Variants in CIB4 observed in about 807,000 individuals in gnomAD.
The protein encoded by CIB4 is calcium and integrin-binding family member 4.
Under a neutral mutation model 25.8 loss-of-function variants are expected in CIB4, and 25 were observed. That is an observed-to-expected ratio of 0.97 (90% CI 0.71 to 1.35). The LOEUF (loss-of-function observed/expected upper bound fraction) is 1.35. Ranked by LOEUF, CIB4 falls within the 40% of genes most tolerant of loss-of-function variation. The pLI is 0.00. For missense variants in CIB4, 235 were observed against 228.2 expected (o/e 1.03, Z -0.19); for synonymous variants, 75 against 81.4 (o/e 0.92, Z 0.42).
chr2:26,619,729 G>A (rs1467754493), intron 3 of CIB4, among the ~76,000 whole-genome samples: 1 of 152,010 alleles, frequency 6.6e-6, no homozygotes, highest in East Asian at 1.9e-4. Flanking sequence ...AGCGGGGAAG[G>A]TGACACCACC....
At chr2:26,589,128 C>G (rs892428952) in intron 4 of CIB4, among the ~76,000 whole-genome samples, 2 of 135,974 alleles carry the variant, frequency 1.5e-5, no homozygotes, top group Admixed American at 1.5e-4. Flanking sequence ...TCTTCTTCTT[C>G]TTCTTCTTCT....
At chr2:26,626,633 A>C (rs558322084) in intron 3 of CIB4, among the ~76,000 whole-genome samples, 2 of 152,344 alleles carry the variant, frequency 1.3e-5, no homozygotes, top group Admixed American at 1.3e-4. Flanking sequence ...AAATCAGAAA[A>C]GTAAAATTAA....
intron 4 of CIB4, among the ~76,000 whole-genome samples, chr2:26,588,036 A>C (rs72817133): frequency 0.11 from 16,877 of 152,226 alleles, 1,031 homozygotes; most frequent in Middle Eastern, 0.17. Context: ...TGTCAGTGTC[A>C]GGACTGGAGC....
intron 2 of CIB4, among the ~76,000 whole-genome samples, chr2:26,631,629 A>T (rs1050726095): frequency 6.6e-6 from 1 of 152,144 alleles, no homozygotes; most frequent in Non-Finnish European, 1.5e-5. Flanking sequence ...CATCTCACTG[A>T]CTAGAAAAAC....
At chr2:26,598,832 C>T (rs916025682) in intron 3 of CIB4, among the ~76,000 whole-genome samples, 3 of 152,256 alleles carry the variant, frequency 2.0e-5, no homozygotes, top group Non-Finnish European at 4.4e-5. Context: ...TTTCTAGGGG[C>T]CCTGGTGGGG....
In CIB4 at chr2:26,583,852, G is replaced by A; in HGVS notation, c.375C>T (p.Ile125=). ...CATCACTGTTCAGCAGTCGCAGGAT[G>A]ATCCTCTGCAGATCCTCCTCATCAA... ...GFIDEEDLQR[I]ILRLLNSDDM... Residue 125 remains isoleucine (I), a synonymous_variant, in exon 5 of 7, where the codon ATC becomes ATT. Transcript: ENST00000288861. The A allele has an allele frequency of 1.9e-6, 3 of 1,613,466 alleles. No individual in the cohort carries two copies. The highest frequency in any genetic ancestry group is 2.5e-6 in the Non-Finnish European group (3 of 1,179,686).
intron 3 of CIB4, among the ~76,000 whole-genome samples, chr2:26,599,245 G>T (rs981499741): frequency 4.6e-5 from 7 of 152,160 alleles, no homozygotes; most frequent in Admixed American, 3.3e-4. Context: ...ATTTATACAG[G>T]TAACTCAGTG....
chr2:26,600,658 C>CCATG (rs1182057149), intron 3 of CIB4, among the ~76,000 whole-genome samples: 1 of 152,088 alleles, frequency 6.6e-6, no homozygotes, highest in Non-Finnish European at 1.5e-5. Context: ...TGAGCAGAGC[C>CCATG]CATGTCCTGG....
chr2:26,610,915 G>T (rs1483662589), intron 3 of CIB4, among the ~76,000 whole-genome samples: 1 of 151,958 alleles, frequency 6.6e-6, no homozygotes, highest in Non-Finnish European at 1.5e-5. Context: ...TCCTTCCCTG[G>T]AATGTTTTCC....
intron 4 of CIB4, among the ~76,000 whole-genome samples, chr2:26,589,030 T>TTCTTCTTCCTCTTCC (rs1668516160): frequency 5.3e-5 from 2 of 37,720 alleles, no homozygotes; most frequent in African/African-American, 2.2e-4. Context: ...CTTCTTCTTC[T>TTCTTCTTCCTCTTCC]TCTTCTTCTT....
intron 2 of CIB4, among the ~76,000 whole-genome samples, chr2:26,631,259 G>A (rs1314790954): frequency 6.6e-6 from 1 of 152,152 alleles, no homozygotes; most frequent in Non-Finnish European, 1.5e-5. Flanking sequence ...AGAATCGCTT[G>A]AGCCCAAGAG....
At position 26,638,820 on chromosome 2, in the gene CIB4, C is replaced by T. The variant is rs559147113; in HGVS notation, c.89+1713G>A. Among the ~76,000 whole-genome samples, 238 of 152,198 alleles carry T rather than the reference C, an allele frequency of 1.6e-3. 1 individual carries two copies. Among genetic ancestry groups the T allele is most frequent in the African/African-American group, 5.4e-3 (223 of 41,526 alleles). Reference sequence around the variant, plus strand: ...TACAAAAATTTGCCGGGCGTGGTGGCAGGCACCTGTAGTCCCAGCTACTCA... The same window carrying T: ...TACAAAAATTTGCCGGGCGTGGTGGTAGGCACCTGTAGTCCCAGCTACTCA... On this transcript the variant is annotated intron_variant, in intron 2 of 6. Coordinates refer to ENST00000288861, the MANE Select transcript of CIB4 (RefSeq NM_001029881.3).
chr2:26,591,268 C>T (rs1668581032), intron 4 of CIB4, among the ~76,000 whole-genome samples: 1 of 152,222 alleles, frequency 6.6e-6, no homozygotes, highest in African/African-American at 2.4e-5. Context: ...GAAGCTAGAT[C>T]ACTGGCTGGG....
intron 3 of CIB4, chr2:26,623,740 G>A: frequency 3.1e-6 from 1 of 321,562 alleles, no homozygotes; most frequent in South Asian, 2.7e-5. Context: ...AGAGGCCAGG[G>A]GGGTGAGGTG....
rs1370807882 is a variant in CIB4, at chr2:26,600,104, A to T, written c.187-4787T>A. On this transcript the variant is annotated intron_variant, in intron 3 of 6. Transcript: ENST00000288861. The stretch of plus-strand genomic sequence containing the variant: ...AAAAAAAAAGATATGATTAATGTTT[A>T]TTGACTGGGCGCAGTGGCTGCTAGG... Among the ~76,000 whole-genome samples, 5 of 137,222 alleles carry T rather than the reference A, an allele frequency of 3.6e-5. 1 individual carries two copies. The highest frequency in any genetic ancestry group is 6.2e-5 in the Non-Finnish European group (4 of 64,752). 90.0% of individuals were successfully genotyped at this position (137,222 alleles called of 152,430 possible).
intron 3 of CIB4, among the ~76,000 whole-genome samples, chr2:26,608,305 G>A (rs969506697): frequency 5.3e-5 from 8 of 151,664 alleles, no homozygotes; most frequent in South Asian, 2.1e-4. Flanking sequence ...CTCACGTGCT[G>A]TGTACCTACC....
chr2:26,639,537 G>T (rs1303579490), intron 2 of CIB4, among the ~76,000 whole-genome samples: 1 of 151,852 alleles, frequency 6.6e-6, no homozygotes, highest in African/African-American at 2.4e-5. Context: ...TTCAATAGAG[G>T]TTATATGGGT....
intron 3 of CIB4, among the ~76,000 whole-genome samples, chr2:26,620,920 A>G (rs570273412): frequency 3.7e-4 from 56 of 152,338 alleles, no homozygotes; most frequent in African/African-American, 1.3e-3. Flanking sequence ...AAACCCTATT[A>G]GAGTTGAAGA....
At chr2:26,625,203 A>G (rs542853047) in intron 3 of CIB4, among the ~76,000 whole-genome samples, 71 of 152,124 alleles carry the variant, frequency 4.7e-4, no homozygotes, top group Non-Finnish European at 9.0e-4. Flanking sequence ...ATGCTAGAAC[A>G]CCCGTCAGTG....
Sources: gnomAD v4.1 joint callset for allele counts (sites outside exome capture counted in the v4.1 genomes callset) on GRCh38, gnomAD v4.1.1 for gene constraint, MANE v1.5 for transcripts, NCBI Gene and HGNC (gene_info 2026-07-23, HGNC 2026-07-21) for gene names.